VPS53: variants seen among roughly 807,000 people sequenced by gnomAD.
The protein encoded by VPS53 is vacuolar protein sorting-associated protein 53 homolog.
Under a neutral mutation model 107.0 loss-of-function variants are expected in VPS53, and 70 were observed. The observed-to-expected ratio is 0.65, with a 90% CI of 0.54 to 0.80. The LOEUF is 0.80. Among genes scored for constraint, VPS53 ranks in the 30% least tolerant of loss-of-function variants. The probability of loss-of-function intolerance (pLI) is 0.00; values close to 1 mark genes in which losing one functional copy is unlikely to be tolerated. For synonymous variants in VPS53, 409 were observed against 393.3 expected (o/e 1.04, Z -0.47); for missense variants, 917 against 1,049.4 (o/e 0.87, Z 1.74).
chr17:567,374 G>A (rs185685319), intron 13 of VPS53, among the ~76,000 whole-genome samples: 1 of 152,266 alleles, frequency 6.6e-6, no homozygotes, highest in African/African-American at 2.4e-5. Context: ...GCATCAGCAT[G>A]CTTTGATGCC....
At chr17:656,765 A>G in intron 5 of VPS53, 1 of 985,420 alleles carries the variant, frequency 1.0e-6, no homozygotes, top group Non-Finnish European at 1.6e-6. Flanking sequence ...ATTACGTACA[A>G]AGATCTAACA....
Position 535,465 on chromosome 17 carries a change from G to A in VPS53, c.2015+1563C>T, listed in dbSNP as rs143840699. Reference sequence around the variant, plus strand: ...TCATATGACTGAGCAGGGAGACGCCGGGACTGGCTAAGTCAACAGACTCCT... The same window carrying A: ...TCATATGACTGAGCAGGGAGACGCCAGGACTGGCTAAGTCAACAGACTCCT... On this transcript the variant is annotated intron_variant, in intron 18 of 21. Transcript: ENST00000437048. Among the ~76,000 whole-genome samples, 22 of 151,460 alleles carry A rather than the reference G, an allele frequency of 1.5e-4. No individual in the cohort carries two copies. The East Asian group carries it at 4.1e-3, about 28-fold the overall frequency.
rs746910863 is a variant in VPS53 at position 562,679 on chromosome 17, G to A, written c.1380C>T (p.Asn460=). Residue 460 remains asparagine (N), a synonymous_variant, in exon 14 of 22, where the codon AAC becomes AAT. Coordinates refer to ENST00000437048, the MANE Select transcript of VPS53 (RefSeq NM_001128159.3). ...DFKAQGPPKP[N]TDEGGAVLPS... Reference sequence around the variant, plus strand: ...GGAGCACGGCACCCCCTTCATCAGTGTTGGGCTTAGGTGGCCCCTGGGCTT... The same window carrying A: ...GGAGCACGGCACCCCCTTCATCAGTATTGGGCTTAGGTGGCCCCTGGGCTT... 2.5e-6 allele frequency: 4 copies of A among 1,613,524 alleles called. No individual in the cohort carries two copies. In the South Asian group the frequency reaches 3.3e-5, roughly 13 times the overall value.
intron 9 of VPS53, 84 bp downstream of exon 9, chr17:628,004 G>A (rs1028930904): frequency 6.8e-6 from 9 of 1,328,812 alleles, no homozygotes; most frequent in East Asian, 2.4e-5. Context: ...CATGTAATAC[G>A]AGGTCTAAAT....
chr17:656,759 C>A, intron 5 of VPS53: 5 of 909,842 alleles, frequency 5.5e-6, no homozygotes, highest in Non-Finnish European at 7.2e-6. Context: ...TTTTTAATTA[C>A]GTACAAAGAT....
intron 4 of VPS53, among the ~76,000 whole-genome samples, chr17:695,686 A>G (rs895106479): frequency 1.3e-5 from 2 of 151,960 alleles, no homozygotes; most frequent in African/African-American, 4.8e-5. Flanking sequence ...AGTAGCTGGG[A>G]CTACAGGCAC....
chr17:519,000 ACC>A lies in VPS53; in HGVS notation c.*126_*127del. On this transcript the variant is annotated 3_prime_UTR_variant, in exon 22 of 22. Transcript: ENST00000437048. ...AGGGCATGGGAGAGACTCAGTAACA[ACC>A]CACATGTCCCAGGAAGTTTGAAGAC... is the stretch of plus-strand genomic sequence containing the variant. 9.6e-7 allele frequency: 1 copy of A among 1,045,744 alleles called. No individual in the cohort carries two copies. The allele number at this position is 1,045,744 out of a possible 1,614,324, so 64.8% of individuals were successfully genotyped here. A position where few individuals can be genotyped will look rare whatever the true frequency, so the allele number is the denominator to read the frequency against.
chr17:579,611 C>G (rs1318438996), intron 13 of VPS53, among the ~76,000 whole-genome samples: 1 of 150,924 alleles, frequency 6.6e-6, no homozygotes, highest in East Asian at 2.0e-4. Context: ...GAACCTCCCT[C>G]AGAACCTAAT....
intron 5 of VPS53, among the ~76,000 whole-genome samples, chr17:661,376 C>T (rs2143595106): frequency 6.6e-6 from 1 of 151,862 alleles, no homozygotes; most frequent in African/African-American, 2.4e-5. Flanking sequence ...AAAAAATTAG[C>T]CGGGCGTGGT....
Position 524,046 on chromosome 17 carries a change from C to G in VPS53, c.2086-2308G>C, listed in dbSNP as rs567538956. ...GGGCGCAGTGGCTCATGCCTGTAAT[C>G]CCAGCATTTTGGGAGGCCGAGGCGG... On this transcript the variant is annotated intron_variant, in intron 19 of 21. Coordinates refer to ENST00000437048, the MANE Select transcript of VPS53 (RefSeq NM_001128159.3). This position sits in a 1 kb window ranked among gnomAD's most constrained non-coding sequence, Gnocchi z 4.5. Among the ~76,000 whole-genome samples, 42 of 152,192 alleles carry G rather than the reference C, an allele frequency of 2.8e-4. No homozygotes were observed. Among genetic ancestry groups the G allele is most frequent in the Non-Finnish European group, 3.8e-4 (26 of 68,026 alleles).
Position 514,781 on chromosome 17 carries a change from A to C in VPS53, c.*4347T>G, listed in dbSNP as rs935422773. 2 of 152,404 alleles carry C rather than the reference A, an allele frequency of 1.3e-5. No homozygotes were observed. Among genetic ancestry groups the C allele is most frequent in the African/African-American group, 4.8e-5 (2 of 41,414 alleles). The allele number at this position is 152,404 out of a possible 1,614,324, so 9.4% of individuals were successfully genotyped here. A position where few individuals can be genotyped will look rare whatever the true frequency, so the allele number is the denominator to read the frequency against. On this transcript the variant is annotated 3_prime_UTR_variant, in exon 22 of 22. Transcript: ENST00000437048. Reference sequence around the variant, plus strand: ...TGCTGGTCTCAGCTTGTCTGCTCTCAGTCCTGTCTGATCTGCACAGAGGAG... The same window carrying C: ...TGCTGGTCTCAGCTTGTCTGCTCTCCGTCCTGTCTGATCTGCACAGAGGAG...
intron 8 of VPS53, among the ~76,000 whole-genome samples, chr17:631,240 AT>A (rs1969945959): frequency 6.7e-6 from 1 of 150,330 alleles, no homozygotes; most frequent in African/African-American, 2.5e-5. Flanking sequence ...CGGCATGAAG[AT>A]TTCTTTTAAA....
intron 15 of VPS53, among the ~76,000 whole-genome samples, chr17:554,814 A>G (rs1260114266): frequency 1.3e-5 from 2 of 152,262 alleles, no homozygotes; most frequent in East Asian, 3.8e-4. Flanking sequence ...TTCAAAAAGC[A>G]AAACTTTAAA....
At chr17:546,005 C>G (rs1911155420) in intron 17 of VPS53, among the ~76,000 whole-genome samples, 1 of 152,066 alleles carries the variant, frequency 6.6e-6, no homozygotes, top group Non-Finnish European at 1.5e-5. Flanking sequence ...TGAGGGTGGA[C>G]ATACAGATAG....
At chr17:682,171 T>C (rs984589722) in intron 4 of VPS53, among the ~76,000 whole-genome samples, 1 of 152,168 alleles carries the variant, frequency 6.6e-6, no homozygotes, top group Non-Finnish European at 1.5e-5. Context: ...TGATAAGCCT[T>C]TTTTAAACTA....
rs373056219 is a variant in VPS53, at chr17:692,168, C to T, written c.285+5250G>A. Among the ~76,000 whole-genome samples, 13 of 152,170 alleles carry T rather than the reference C, an allele frequency of 8.5e-5. No individual in the cohort carries two copies. In the East Asian group the frequency reaches 1.9e-3, roughly 23 times the overall value. ...AACGTTGGCCACTCTTGAAACTTCCCACTGCCGGCTTTTTCTTCCTCTAAC... is the reference window on the plus strand; with the variant it reads ...AACGTTGGCCACTCTTGAAACTTCCTACTGCCGGCTTTTTCTTCCTCTAAC... On this transcript the variant is annotated intron_variant, in intron 4 of 21. Coordinates refer to ENST00000437048, the MANE Select transcript of VPS53 (RefSeq NM_001128159.3).
intron 7 of VPS53, among the ~76,000 whole-genome samples, chr17:642,455 T>C (rs1479935819): frequency 1.9e-3 from 171 of 90,900 alleles, no homozygotes; most frequent in Admixed American, 2.9e-3. Context: ...ACTTGGCAAC[T>C]GAGGACAACA....
At position 601,875 on chromosome 17, in the gene VPS53, G is replaced by C. The variant is rs753279076; in HGVS notation, c.1138C>G (p.Pro380Ala). Reference sequence around the variant, plus strand: ...TCTTCCAGGAAGGGATTGGTAGATGGGGGTGGAGACTCAAGCTTTTTCTGT... The same window carrying C: ...TCTTCCAGGAAGGGATTGGTAGATGCGGGTGGAGACTCAAGCTTTTTCTGT... ...GTLKKLESPP[P>A]STNPFLEDEP... Residue 380 changes from proline (P) to alanine (A), a missense_variant, in exon 12 of 22, where the codon CCA (proline) becomes GCA (alanine). Transcript: ENST00000437048. The C allele has an allele frequency of 1.3e-5, 20 of 1,592,106 alleles. No individual in the cohort carries two copies. The highest frequency in any genetic ancestry group is 3.4e-5 in the South Asian group (3 of 87,904).
intron 5 of VPS53, among the ~76,000 whole-genome samples, chr17:656,266 A>G (rs1788795600): frequency 6.6e-6 from 1 of 152,176 alleles, no homozygotes; most frequent in African/African-American, 2.4e-5. Context: ...GGAGGTAAGC[A>G]CAGCACCTTT....
Sources: allele counts gnomAD v4.1 joint callset (sites outside exome capture counted in the v4.1 genomes callset), GRCh38; gene constraint gnomAD v4.1.1; non-coding constraint Gnocchi (gnomAD v3.1); transcripts MANE v1.5; gene names NCBI Gene and HGNC (gene_info 2026-07-23, HGNC 2026-07-21).